The following PLXDC2 variants were observed in gnomAD, a reference collection of about 807,000 sequenced individuals.
PLXDC2 encodes the protein plexin domain-containing protein 2.
PLXDC2 carries 40 observed loss-of-function variants against 68.9 expected under a neutral mutation model. The ratio of observed to expected loss-of-function variants is 0.58; its 90% confidence interval spans 0.45 to 0.76. The LOEUF is 0.76. Among genes scored for constraint, PLXDC2 ranks in the 30% least tolerant of loss-of-function variants. The pLI is 0.00. For missense variants in PLXDC2, 644 were observed against 661.9 expected, an observed-to-expected ratio of 0.97 and a Z score of 0.30; for synonymous variants, 243 against 234.2, an observed-to-expected ratio of 1.04 and a Z score of -0.34.
chr10:20,284,693 T>G lies in PLXDC2; in HGVS notation c.*4874T>G, dbSNP rs1836129245. 5.3e-5 allele frequency: 8 copies of G among 152,106 alleles called. No homozygotes were observed. Among genetic ancestry groups the G allele is most frequent in the Admixed American group, 5.2e-4 (8 of 15,264 alleles). 9.4% of individuals were successfully genotyped at this position (152,106 alleles called of 1,614,324 possible). A position where few individuals can be genotyped will look rare whatever the true frequency, so the allele number is the denominator to read the frequency against. Reference sequence around the variant, plus strand: ...GATATAGTAATAGTCCCAGTGTCAGTAAACTGGGTCTTGAACTTAAATGTT... The same window carrying G: ...GATATAGTAATAGTCCCAGTGTCAGGAAACTGGGTCTTGAACTTAAATGTT... On this transcript the variant is annotated 3_prime_UTR_variant, in exon 14 of 14. Coordinates refer to ENST00000377252, the MANE Select transcript of PLXDC2 (RefSeq NM_032812.9).
chr10:20,239,763 A>G (rs1835490541), intron 12 of PLXDC2, among the ~76,000 whole-genome samples: 1 of 152,168 alleles, frequency 6.6e-6, no homozygotes, highest in African/African-American at 2.4e-5. Context: ...ATAAAAGAAC[A>G]ATCAGTCGAG....
At chr10:20,097,440 C>T (rs1252570293) in intron 4 of PLXDC2, among the ~76,000 whole-genome samples, 5 of 152,088 alleles carry the variant, frequency 3.3e-5, no homozygotes, top group Non-Finnish European at 7.4e-5. Context: ...GATACTATTA[C>T]TATTTTAACT....
chr10:19,913,803 G>A (rs1346482133), intron 1 of PLXDC2, among the ~76,000 whole-genome samples: 1 of 152,034 alleles, frequency 6.6e-6, no homozygotes, highest in African/African-American at 2.4e-5. Context: ...AGTGTTTATT[G>A]TATCTTTTGT....
intron 6 of PLXDC2, among the ~76,000 whole-genome samples, chr10:20,159,426 T>C (rs1834261680): frequency 6.6e-6 from 1 of 152,138 alleles, no homozygotes; most frequent in South Asian, 2.1e-4. Context: ...AATCTGCCTC[T>C]GTCACTTACA....
intron 1 of PLXDC2, among the ~76,000 whole-genome samples, chr10:19,984,643 G>T (rs969577697): frequency 2.0e-5 from 3 of 152,128 alleles, no homozygotes; most frequent in Non-Finnish European, 2.9e-5. Flanking sequence ...GACTGATGGT[G>T]GGACCTCAGA....
chr10:20,131,237 A>T (rs1833863745), intron 4 of PLXDC2, among the ~76,000 whole-genome samples: 2 of 141,922 alleles, frequency 1.4e-5, no homozygotes, highest in African/African-American at 2.6e-5. Flanking sequence ...TATTCTATTT[A>T]GTGTTTCTGT....
intron 4 of PLXDC2, among the ~76,000 whole-genome samples, chr10:20,102,041 A>T (rs1167852469): frequency 6.6e-6 from 1 of 151,794 alleles, no homozygotes; most frequent in Non-Finnish European, 1.5e-5. Context: ...ACCTCATTTG[A>T]TCCTCCCGCC....
intron 1 of PLXDC2, among the ~76,000 whole-genome samples, chr10:19,940,087 C>T (rs368854045): frequency 6.6e-6 from 1 of 151,402 alleles, no homozygotes; most frequent in Non-Finnish European, 1.5e-5. Context: ...TATAGTCATG[C>T]GAAAGAATCT....
chr10:19,935,798 G>C (rs186578147), intron 1 of PLXDC2, among the ~76,000 whole-genome samples: 1 of 152,156 alleles, frequency 6.6e-6, no homozygotes, highest in African/African-American at 2.4e-5. Context: ...CACATTTTAG[G>C]ACAGTGAAGT....
chr10:19,916,126 G>GTTTTT (rs200823056), intron 1 of PLXDC2, among the ~76,000 whole-genome samples: 4 of 125,718 alleles, frequency 3.2e-5, no homozygotes, highest in Non-Finnish European at 3.3e-5. Context: ...AGGGAGTTGT[G>GTTTTT]TTTTGTTTTG....
chr10:19,919,083 T>C (rs903555982), intron 1 of PLXDC2, among the ~76,000 whole-genome samples: 3 of 152,196 alleles, frequency 2.0e-5, no homozygotes, highest in African/African-American at 4.8e-5. Flanking sequence ...ATTGTAAATA[T>C]AGGGTATTTC....
intron 10 of PLXDC2, among the ~76,000 whole-genome samples, chr10:20,214,937 C>T (rs1835116352): frequency 6.6e-6 from 1 of 152,014 alleles, no homozygotes; most frequent in South Asian, 2.1e-4. Context: ...GACACCTGGT[C>T]AATAGATGAC....
At chr10:20,187,077 A>C (rs944708305) in intron 9 of PLXDC2, among the ~76,000 whole-genome samples, 1 of 151,736 alleles carries the variant, frequency 6.6e-6, no homozygotes, top group Non-Finnish European at 1.5e-5. Flanking sequence ...AAAAGATTCA[A>C]AAAAAAATCC....
At chr10:19,929,291 A>T (rs1833590073) in intron 1 of PLXDC2, among the ~76,000 whole-genome samples, 1 of 152,026 alleles carries the variant, frequency 6.6e-6, no homozygotes, top group African/African-American at 2.4e-5. Context: ...TTTACTGGGG[A>T]ACTCAAATGG....
intron 4 of PLXDC2, among the ~76,000 whole-genome samples, chr10:20,103,095 C>T (rs933070975): frequency 5.9e-5 from 9 of 152,082 alleles, no homozygotes; most frequent in Non-Finnish European, 8.8e-5. Flanking sequence ...TAAGAAGGTG[C>T]GGACAGAAAT....
chr10:20,217,287 A>T, intron 10 of PLXDC2, 139 bp from the exon 11 acceptor site: 1 of 657,040 alleles, frequency 1.5e-6, no homozygotes, highest in Non-Finnish European at 2.3e-6. Flanking sequence ...AATCATTAAT[A>T]TAGTCTTGTA....
intron 13 of PLXDC2, among the ~76,000 whole-genome samples, chr10:20,247,442 A>G (rs932735588): frequency 1.1e-4 from 17 of 151,898 alleles, no homozygotes; most frequent in African/African-American, 4.1e-4. Context: ...GTGCCACTGC[A>G]TTCTAGCCTG....
intron 1 of PLXDC2, among the ~76,000 whole-genome samples, chr10:19,955,700 A>G (rs72789624): frequency 0.05 from 7,589 of 152,280 alleles, 247 homozygotes; most frequent in Middle Eastern, 0.092. Context: ...TTAAAAAAAA[A>G]AGAAGTTGTT....
At chr10:19,817,742 T>G (rs1370546811) in intron 1 of PLXDC2, among the ~76,000 whole-genome samples, 3 of 152,102 alleles carry the variant, frequency 2.0e-5, no homozygotes, top group African/African-American at 7.2e-5. Flanking sequence ...GCGGGGTAAA[T>G]GCGGCCGGCG....
Sources: gnomAD v4.1 joint callset for allele counts (sites outside exome capture counted in the v4.1 genomes callset) on GRCh38, gnomAD v4.1.1 for gene constraint, MANE v1.5 for transcripts, NCBI Gene and HGNC (gene_info 2026-07-23, HGNC 2026-07-21) for gene names.